SPIRE1: variants seen among roughly 807,000 people sequenced by gnomAD.
The protein encoded by SPIRE1 is spire type actin nucleation factor 1, also known as protein spire homolog 1.
A neutral mutation model predicts 94.1 loss-of-function variants in SPIRE1; 40 were observed. The ratio of observed to expected loss-of-function variants is 0.43; its 90% CI spans 0.33 to 0.55. The LOEUF (loss-of-function observed/expected upper bound fraction) is 0.55. Ranked by LOEUF, SPIRE1 falls within the 20% of genes least tolerant of loss-of-function variation. SPIRE1 has a pLI of 0.06. For synonymous variants in SPIRE1, 376 were observed against 371.7 expected (o/e 1.01, Z -0.13); for missense variants, 838 against 975.2 (o/e 0.86, Z 1.87).
chr18:12,552,581 C>A (rs1487672477), intron 2 of SPIRE1, among the ~76,000 whole-genome samples: 2 of 152,042 alleles, frequency 1.3e-5, no homozygotes, highest in African/African-American at 4.8e-5. Flanking sequence ...CGGCACCACA[C>A]CCTGGGCCTG....
intron 2 of SPIRE1, among the ~76,000 whole-genome samples, chr18:12,624,992 G>A (rs991727894): frequency 1.7e-4 from 25 of 148,454 alleles, no homozygotes; most frequent in African/African-American, 6.0e-4. Flanking sequence ...GTCAAATCAT[G>A]TCCCCTGATA....
chr18:12,459,889 GA>G, intron 12 of SPIRE1: 1 of 985,848 alleles, frequency 1.0e-6, no homozygotes, highest in Non-Finnish European at 1.2e-6. Flanking sequence ...AAAAGTGGTC[GA>G]AAAGGCGTCC....
chr18:12,599,460 C>T (rs1276715929), intron 2 of SPIRE1, among the ~76,000 whole-genome samples: 2 of 152,166 alleles, frequency 1.3e-5, no homozygotes, highest in African/African-American at 2.4e-5. Context: ...GATGGCATCT[C>T]GCTATGTTGC....
rs2035629568 is a variant in SPIRE1 at position 12,559,730 on chromosome 18, C to T, written c.373-12826G>A. Among the ~76,000 whole-genome samples, 1 of 152,122 alleles carries T rather than the reference C, an allele frequency of 6.6e-6. No homozygotes were observed. The highest frequency in any genetic ancestry group is 1.5e-5 in the Non-Finnish European group (1 of 68,014). ...GTAATAACCCACAGGCACAGGGAAC[C>T]AAAGCAAAAATTGACAAATGGGATC... On this transcript the variant is annotated intron_variant, in intron 2 of 16. Coordinates refer to ENST00000409402, the MANE Select transcript of SPIRE1 (RefSeq NM_001128626.2). The surrounding 1 kb of genome is among the most constrained non-coding windows in gnomAD (Gnocchi z 4.7).
At chr18:12,591,574 T>C (rs2036536660) in intron 2 of SPIRE1, among the ~76,000 whole-genome samples, 1 of 152,238 alleles carries the variant, frequency 6.6e-6, no homozygotes, top group Non-Finnish European at 1.5e-5. Context: ...AAATGGGCAG[T>C]TTCCGGCTAC....
At chr18:12,645,575 T>C (rs757015146) in intron 1 of SPIRE1, among the ~76,000 whole-genome samples, 7 of 152,106 alleles carry the variant, frequency 4.6e-5, no homozygotes, top group Non-Finnish European at 8.8e-5. Flanking sequence ...CAGACCTCCA[T>C]CATCTCCTGT....
chr18:12,634,959 A>G, intron 2 of SPIRE1, 103 bp downstream of exon 2: 1 of 612,280 alleles, frequency 1.6e-6, no homozygotes. Context: ...AAGAAATCTT[A>G]TCAGAAGACC....
intron 6 of SPIRE1, among the ~76,000 whole-genome samples, chr18:12,497,005 T>C (rs946192930): frequency 6.6e-6 from 1 of 151,282 alleles, no homozygotes. Context: ...GAGGAGGAGG[T>C]TGCAGTGAGC....
intron 2 of SPIRE1, among the ~76,000 whole-genome samples, chr18:12,610,447 T>C (rs760717020): frequency 6.6e-6 from 1 of 152,220 alleles, no homozygotes; most frequent in Non-Finnish European, 1.5e-5. Flanking sequence ...CTCACCCCTA[T>C]GCTCTAAACT....
intron 1 of SPIRE1, among the ~76,000 whole-genome samples, chr18:12,654,897 ATG>A (rs2144909792): frequency 6.6e-6 from 1 of 152,012 alleles, no homozygotes; most frequent in African/African-American, 2.4e-5. Flanking sequence ...GCGTGGTGGC[ATG>A]CGCCTATAGT....
At chr18:12,637,069 A>G (rs947067715) in intron 1 of SPIRE1, among the ~76,000 whole-genome samples, 12 of 152,312 alleles carry the variant, frequency 7.9e-5, no homozygotes, top group Admixed American at 2.0e-4. Context: ...CTTTAAGAGT[A>G]TATGAGTTGG....
chr18:12,594,513 T>A (rs1233914174), intron 2 of SPIRE1, among the ~76,000 whole-genome samples: 1 of 152,220 alleles, frequency 6.6e-6, no homozygotes, highest in African/African-American at 2.4e-5. Context: ...CAAACCACTA[T>A]GTCCACATGT....
intron 2 of SPIRE1, among the ~76,000 whole-genome samples, chr18:12,601,007 C>T (rs2036818895): frequency 6.6e-6 from 1 of 152,158 alleles, no homozygotes; most frequent in African/African-American, 2.4e-5. Context: ...CAGGCATGAG[C>T]CACTTTGCCT....
chr18:12,657,880 G>T lies in SPIRE1; in HGVS notation c.-14C>A. 1 of 1,048,384 alleles carries T rather than the reference G, an allele frequency of 9.5e-7. No individual in the cohort carries two copies. Among genetic ancestry groups the T allele is most frequent in the Non-Finnish European group, 1.1e-6 (1 of 874,112 alleles). The allele number at this position is 1,048,384 out of a possible 1,614,324, so 64.9% of individuals were successfully genotyped here. A position where few individuals can be genotyped will look rare whatever the true frequency, so the allele number is the denominator to read the frequency against. ...CGCCTGAGCCATCCCGCGGGTGGGC[G>T]CTGCGCTCGGCAGTCGCGCCGTGTG... On this transcript the variant is annotated 5_prime_UTR_variant, in exon 1 of 17. Coordinates refer to ENST00000409402, the MANE Select transcript of SPIRE1 (RefSeq NM_001128626.2).
chr18:12,501,933 G>A (rs1005740318), intron 6 of SPIRE1, among the ~76,000 whole-genome samples: 7 of 152,154 alleles, frequency 4.6e-5, no homozygotes, highest in African/African-American at 1.7e-4. Context: ...CTGCACTCCA[G>A]CCCAGGCGAC....
intron 1 of SPIRE1, among the ~76,000 whole-genome samples, chr18:12,644,031 CAAAAAA>C (rs72419037): frequency 0.26 from 34,993 of 132,238 alleles, 4,826 homozygotes; most frequent in Non-Finnish European, 0.33. Context: ...CTGTCTCAAC[CAAAAAA>C]AAAAAAAAAA....
chr18:12,655,835 C>T (rs951889551), intron 1 of SPIRE1, among the ~76,000 whole-genome samples: 1 of 152,204 alleles, frequency 6.6e-6, no homozygotes, highest in Non-Finnish European at 1.5e-5. Flanking sequence ...ACCAACGCTG[C>T]TTCTAAAAGC....
chr18:12,595,991 A>G (rs1482495518), intron 2 of SPIRE1, among the ~76,000 whole-genome samples: 1 of 152,246 alleles, frequency 6.6e-6, no homozygotes, highest in Non-Finnish European at 1.5e-5. Context: ...TTTACAATGC[A>G]GTATTGATGT....
chr18:12,650,200 C>T (rs11661699), intron 1 of SPIRE1, among the ~76,000 whole-genome samples: 3,465 of 152,042 alleles, frequency 0.023, 62 homozygotes, highest in Non-Finnish European at 0.031. Context: ...GCTCGTGCCA[C>T]TGCACTCCAG....
Sources: gnomAD v4.1 joint callset for allele counts (sites outside exome capture counted in the v4.1 genomes callset) on GRCh38, gnomAD v4.1.1 for gene constraint, Gnocchi (gnomAD v3.1) non-coding constraint, MANE v1.5 for transcripts, NCBI Gene and HGNC (gene_info 2026-07-23, HGNC 2026-07-21) for gene names.